CMPK1: variants seen among roughly 807,000 people sequenced by gnomAD.
CMPK1 encodes UMP-CMP kinase.
In CMPK1, 10 loss-of-function variants were observed where a neutral mutation model predicts 25.7. The ratio of observed to expected loss-of-function variants is 0.39; its 90% CI spans 0.24 to 0.66. The LOEUF is 0.66. CMPK1 is among the 30% of genes least tolerant of loss of function. The probability of loss-of-function intolerance (pLI) is 0.48; values close to 1 mark genes in which losing one functional copy is unlikely to be tolerated. For missense variants in CMPK1, 199 were observed against 280.5 expected, an observed-to-expected ratio of 0.71 and a Z score of 2.08; for synonymous variants, 106 against 101.5, an observed-to-expected ratio of 1.04 and a Z score of -0.27.
At chr1:47,358,446 T>A in intron 1 of CMPK1, 6 of 1,191,996 alleles carry the variant, frequency 5.0e-6, no homozygotes, top group Non-Finnish European at 6.3e-6. Context: ...CAAGAGATTC[T>A]TCTAGTTGTA....
intron 1 of CMPK1, among the ~76,000 whole-genome samples, chr1:47,341,446 G>A (rs1002457266): frequency 6.6e-6 from 1 of 151,924 alleles, no homozygotes; most frequent in African/African-American, 2.4e-5. Context: ...TTGTCTCACT[G>A]CAGCCTCTGC....
At chr1:47,337,240 G>T (rs900697223) in intron 1 of CMPK1, among the ~76,000 whole-genome samples, 1 of 152,116 alleles carries the variant, frequency 6.6e-6, no homozygotes, top group African/African-American at 2.4e-5. Context: ...CCAAGATCAC[G>T]CCACTGCAGT....
At chr1:47,364,626 T>C (rs1221455054) in intron 1 of CMPK1, among the ~76,000 whole-genome samples, 2 of 148,306 alleles carry the variant, frequency 1.3e-5, no homozygotes, top group Non-Finnish European at 3.0e-5. Flanking sequence ...CATATATTTA[T>C]ATTTTTAATA....
chr1:47,358,448 C>A, intron 1 of CMPK1: 1 of 1,187,106 alleles, frequency 8.4e-7, no homozygotes, highest in Non-Finnish European at 1.1e-6. Flanking sequence ...AGAGATTCTT[C>A]TAGTTGTAAC....
intron 1 of CMPK1, among the ~76,000 whole-genome samples, chr1:47,344,331 CT>C (rs1486597849): frequency 7.9e-5 from 12 of 151,982 alleles, no homozygotes; most frequent in Non-Finnish European, 1.8e-4. Context: ...TGGAAAAACG[CT>C]TAGAGCAGTT....
At chr1:47,355,635 C>A (rs1646555500) in intron 1 of CMPK1, among the ~76,000 whole-genome samples, 1 of 147,212 alleles carries the variant, frequency 6.8e-6, no homozygotes, top group Non-Finnish European at 1.5e-5. Flanking sequence ...GGGACAGAGT[C>A]TCGCTCTGTT....
intron 1 of CMPK1, among the ~76,000 whole-genome samples, chr1:47,351,612 C>T (rs1383048226): frequency 6.6e-6 from 1 of 152,118 alleles, no homozygotes; most frequent in Non-Finnish European, 1.5e-5. Flanking sequence ...AATGGAATTG[C>T]TGAGTCACAT....
chr1:47,350,633 G>A (rs1263287501), intron 1 of CMPK1, among the ~76,000 whole-genome samples: 1 of 152,136 alleles, frequency 6.6e-6, no homozygotes, highest in Non-Finnish European at 1.5e-5. Context: ...CGTGGCTTAT[G>A]CCCGTAATCC....
At chr1:47,340,030 TCCCTTCCCTCCCCTC>T (rs1406330653) in intron 1 of CMPK1, among the ~76,000 whole-genome samples, 1 of 52,114 alleles carries the variant, frequency 1.9e-5, no homozygotes, top group Non-Finnish European at 3.2e-5. Flanking sequence ...CCCCTCCCCT[TCCCTTCCCTCCCCTC>T]CCCTCCCCTC....
chr1:47,372,754 A>G (rs897193097), intron 2 of CMPK1, among the ~76,000 whole-genome samples: 1 of 152,036 alleles, frequency 6.6e-6, no homozygotes, highest in African/African-American at 2.4e-5. Context: ...TGAGGCAACC[A>G]TCTTAATACA....
At chr1:47,370,119 G>A (rs555628324) in intron 2 of CMPK1, among the ~76,000 whole-genome samples, 28 of 149,030 alleles carry the variant, frequency 1.9e-4, no homozygotes, top group African/African-American at 4.9e-4. Flanking sequence ...GGGTTTCACC[G>A]TGTTAGCCAG....
In CMPK1 at chr1:47,336,550, T is replaced by C. The variant is rs544209592; in HGVS notation, c.171+2434T>C. ...TGTTGTTGTTTGTTTTGAGATCGAG[T>C]CTCTCTGTGTCACCCAGGCTGGAGT... On this transcript the variant is annotated intron_variant, in intron 1 of 5. Transcript: ENST00000371873. Among the ~76,000 whole-genome samples the C allele has an allele frequency of 5.3e-5, 8 of 152,062 alleles. No individual in the cohort carries two copies. In the South Asian group the frequency reaches 1.5e-3, roughly 28 times the overall value.
At chr1:47,376,644 G>T (rs1646710436) in intron 5 of CMPK1, 60 bp from the exon 6 acceptor site, 37 of 1,068,694 alleles carry the variant, frequency 3.5e-5, no homozygotes, top group Non-Finnish European at 5.3e-5. Context: ...TAAGAACTTA[G>T]CTGTATGGTA....
intron 1 of CMPK1, among the ~76,000 whole-genome samples, chr1:47,346,251 T>C (rs1275786713): frequency 2.0e-5 from 3 of 151,856 alleles, no homozygotes; most frequent in Non-Finnish European, 4.4e-5. Flanking sequence ...GGTTTTACCA[T>C]GTTGGCCAGG....
At chr1:47,358,320 A>G (rs1203795452) in intron 1 of CMPK1, 3 of 688,350 alleles carry the variant, frequency 4.4e-6, no homozygotes. Flanking sequence ...GCTATGGTGC[A>G]TAGGCTGATC....
chr1:47,376,899 T>A lies in CMPK1; in HGVS notation c.*154T>A. On this transcript the variant is annotated 3_prime_UTR_variant, in exon 6 of 6. Coordinates refer to ENST00000371873, the MANE Select transcript of CMPK1 (RefSeq NM_016308.3). ...TAAAACAAAGTAAATTTTTTTATGT[T>A]CTTTTTTTTGGTCACAGGAGTAGAC... 1 of 480,590 alleles carries A rather than the reference T, an allele frequency of 2.1e-6. No homozygotes were observed. Among genetic ancestry groups the A allele is most frequent in the South Asian group, 3.5e-5 (1 of 28,384 alleles). 29.8% of individuals were successfully genotyped at this position (480,590 alleles called of 1,614,324 possible).
At chr1:47,353,935 T>G (rs1228392904) in intron 1 of CMPK1, among the ~76,000 whole-genome samples, 1 of 152,182 alleles carries the variant, frequency 6.6e-6, no homozygotes, top group African/African-American at 2.4e-5. Flanking sequence ...CAGGCTGGGC[T>G]CGAATTCCTG....
chr1:47,340,096 A>G (rs913712751), intron 1 of CMPK1, among the ~76,000 whole-genome samples: 5 of 105,998 alleles, frequency 4.7e-5, no homozygotes, highest in Non-Finnish European at 7.3e-5. Flanking sequence ...TTATTTATTT[A>G]TTTGAGATGA....
intron 2 of CMPK1, among the ~76,000 whole-genome samples, chr1:47,369,509 C>A (rs557557207): frequency 5.3e-5 from 8 of 152,244 alleles, no homozygotes; most frequent in Admixed American, 3.9e-4. Flanking sequence ...TCTTCCATTT[C>A]TGTTTCATCT....
Sources: gnomAD v4.1 joint callset for allele counts (sites outside exome capture counted in the v4.1 genomes callset) on GRCh38, gnomAD v4.1.1 for gene constraint, MANE v1.5 for transcripts, NCBI Gene and HGNC (gene_info 2026-07-23, HGNC 2026-07-21) for gene names.